Variants in PTPN2 observed in about 807,000 individuals in gnomAD.
PTPN2 encodes the protein tyrosine-protein phosphatase non-receptor type 2.
Under a neutral mutation model 57.3 loss-of-function variants are expected in PTPN2, and 19 were observed. That is an observed-to-expected ratio of 0.33 (90% CI 0.23 to 0.49). The LOEUF is 0.49. Among genes scored for constraint, PTPN2 ranks in the 20% least tolerant of loss-of-function variants. The pLI is 0.99. For missense variants in PTPN2, 358 were observed against 501.1 expected (o/e 0.71, Z 2.73); for synonymous variants, 153 against 164.9 (o/e 0.93, Z 0.55).
At chr18:12,813,956 A>C (rs912505699) in intron 7 of PTPN2, among the ~76,000 whole-genome samples, 1 of 152,198 alleles carries the variant, frequency 6.6e-6, no homozygotes, top group Non-Finnish European at 1.5e-5. Context: ...AAAATGAAAA[A>C]TTCAGTTTCT....
chr18:12,810,232 T>C (rs1425318832), intron 7 of PTPN2, among the ~76,000 whole-genome samples: 1 of 151,680 alleles, frequency 6.6e-6, no homozygotes, highest in African/African-American at 2.4e-5. Flanking sequence ...GGCATGGTGG[T>C]GCAAGCCTGT....
At position 12,817,344 on chromosome 18, in the gene PTPN2, A is replaced by ATTAT. The variant is rs756134682; in HGVS notation, c.516_517insATAA (p.Ser173IlefsTer16). On this transcript the variant is annotated frameshift_variant, in exon 6 of 9. Coordinates refer to ENST00000309660, the MANE Select transcript of PTPN2 (RefSeq NM_002828.4). LOFTEE classifies it high-confidence loss of function. ...GGCCAGGTAGTATAATGAAAGTGAG[A>ATTAT]TATTGTTCTGGTTTCACCACTCTAA... 1 of 1,613,670 alleles carries ATTAT rather than the reference A, an allele frequency of 6.2e-7. No individual in the cohort carries two copies. The highest frequency in any genetic ancestry group is 8.5e-7 in the Non-Finnish European group (1 of 1,179,614).
chr18:12,864,971 ACT>A (rs2043942261), intron 1 of PTPN2, among the ~76,000 whole-genome samples: 1 of 64,620 alleles, frequency 1.5e-5, no homozygotes, highest in South Asian at 7.0e-4. Context: ...AAATACAGGG[ACT>A]CTCAAAAGTC....
intron 3 of PTPN2, among the ~76,000 whole-genome samples, chr18:12,833,965 C>G (rs954851593): frequency 2.0e-5 from 3 of 152,156 alleles, no homozygotes; most frequent in African/African-American, 7.2e-5. Flanking sequence ...CAGACACAGG[C>G]TTCTGAGTTC....
exon 10 of PTPN2, chr18:12,785,670 CT>C (rs1298982694): frequency 1.4e-6 from 1 of 705,232 alleles, no homozygotes; most frequent in East Asian, 2.7e-5. Flanking sequence ...TCTTCATCCC[CT>C]GGATGTAAAG....
intron 2 of PTPN2, chr18:12,840,893 A>G (rs2043022527): frequency 2.6e-6 from 4 of 1,556,888 alleles, no homozygotes; most frequent in African/African-American, 1.3e-5. Flanking sequence ...AGTCCATGAC[A>G]TATCTTCTCT....
At chr18:12,873,192 G>A (rs1253498779) in intron 1 of PTPN2, among the ~76,000 whole-genome samples, 1 of 150,768 alleles carries the variant, frequency 6.6e-6, no homozygotes, top group African/African-American at 2.4e-5. Context: ...CTGCACTCCA[G>A]CCTGGTTGAC....
intron 2 of PTPN2, among the ~76,000 whole-genome samples, chr18:12,841,761 T>A (rs1252694509): frequency 1.3e-5 from 2 of 152,104 alleles, no homozygotes; most frequent in Non-Finnish European, 2.9e-5. Context: ...TCCCCAAGAG[T>A]CTGCAATGAA....
chr18:12,877,943 T>C (rs543938112), intron 1 of PTPN2, among the ~76,000 whole-genome samples: 1 of 152,090 alleles, frequency 6.6e-6, no homozygotes, highest in Non-Finnish European at 1.5e-5. Flanking sequence ...GGCAGGAGAA[T>C]GGCGTGAACC....
chr18:12,826,958 C>T (rs1476677311), intron 4 of PTPN2, among the ~76,000 whole-genome samples: 1 of 152,198 alleles, frequency 6.6e-6, no homozygotes, highest in Non-Finnish European at 1.5e-5. Context: ...ATTTATCATT[C>T]TTAAAGCATG....
chr18:12,840,541 G>T (rs571039739), intron 2 of PTPN2, among the ~76,000 whole-genome samples: 12 of 152,224 alleles, frequency 7.9e-5, no homozygotes, highest in African/African-American at 2.9e-4. Context: ...GACATGTCAG[G>T]TTTGTGTGAC....
intron 1 of PTPN2, among the ~76,000 whole-genome samples, chr18:12,870,414 T>C (rs572633595): frequency 0.03 from 2,080 of 68,702 alleles, 223 homozygotes; most frequent in Non-Finnish European, 0.043. Flanking sequence ...CGTATATATA[T>C]GTATATATAT....
Position 12,825,941 on chromosome 18 carries a change from TA to T in PTPN2, c.363del (p.Lys122AsnfsTer22). The T allele has an allele frequency of 6.3e-7, 1 of 1,589,798 alleles. No individual in the cohort carries two copies. The highest frequency in any genetic ancestry group is 1.2e-5 in the South Asian group (1 of 86,328). On this transcript the variant is annotated frameshift_variant and splice_region_variant, in exon 5 of 9. Coordinates refer to ENST00000309660, the MANE Select transcript of PTPN2 (RefSeq NM_002828.4). LOFTEE classifies it high-confidence loss of function. ...TCTGTTGGCCAGTACTGTGCACATTTAACCTAAATTTAGAAATATGTATATG... is the reference window on the plus strand; with the variant it reads ...TCTGTTGGCCAGTACTGTGCACATTTACCTAAATTTAGAAATATGTATATG... ...MLNRIVEKESVKCAQYWPTDD... is the reference protein window; with the variant it reads ...MLNRIVEKESXKCAQYWPTDD...
chr18:12,800,796 AGAG>A (rs2041390955), intron 8 of PTPN2, among the ~76,000 whole-genome samples: 2 of 152,190 alleles, frequency 1.3e-5, no homozygotes, highest in African/African-American at 4.8e-5. Context: ...GATGCAGGAG[AGAG>A]GAAAGAAAAA....
In PTPN2 at chr18:12,884,219, C is replaced by A; in HGVS notation, c.-78G>T. 21 of 1,191,374 alleles carry A rather than the reference C, an allele frequency of 1.8e-5. No homozygotes were observed. Among genetic ancestry groups the A allele is most frequent in the Non-Finnish European group, 2.2e-5 (20 of 892,716 alleles). The allele number at this position is 1,191,374 out of a possible 1,614,324, so 73.8% of individuals were successfully genotyped here. On this transcript the variant is annotated 5_prime_UTR_variant, in exon 1 of 9. Transcript: ENST00000309660. ...GGCCCCGCACGATCCGGGGAGAGCG[C>A]TGGCGCTGCGGCGCATGCGCGCTGC...
At chr18:12,807,972 C>T (rs1456855787) in intron 7 of PTPN2, among the ~76,000 whole-genome samples, 4 of 151,864 alleles carry the variant, frequency 2.6e-5, no homozygotes, top group Admixed American at 2.0e-4. Context: ...TCGCTTGAGC[C>T]CAGGAGTTTG....
downstream of PTPN2, among the ~76,000 whole-genome samples, chr18:12,788,684 T>G (rs1334779353): frequency 6.6e-6 from 1 of 152,044 alleles, no homozygotes; most frequent in Non-Finnish European, 1.5e-5. Flanking sequence ...CGGCGATGGC[T>G]TCATGCTGGG....
rs763765476 is a variant in PTPN2, at chr18:12,859,194, T to A, written c.130A>T (p.Asn44Tyr). The A allele has an allele frequency of 1.2e-6, 2 of 1,613,526 alleles. No homozygotes were observed. Among genetic ancestry groups the A allele is most frequent in the Non-Finnish European group, 1.7e-6 (2 of 1,179,534 alleles). ...CTTACATCTCTGTATCTGTTTCGAT[T>A]TCTGTTTTCTGGAAACTTGGCCACT... The part of the protein sequence containing the change: ...HRVAKFPENR[N>Y]RNRYRDVSPY... Residue 44 changes from asparagine (N) to tyrosine (Y), a missense_variant, in exon 2 of 9, where the codon AAT (asparagine) becomes TAT (tyrosine). By Grantham distance (143) the Asn-to-Tyr change is moderately radical (BLOSUM62 -2). Coordinates refer to ENST00000309660, the MANE Select transcript of PTPN2 (RefSeq NM_002828.4).
chr18:12,870,393 G>A lies in PTPN2; in HGVS notation c.70-11139C>T, dbSNP rs12958635. On this transcript the variant is annotated intron_variant, in intron 1 of 8. Transcript: ENST00000309660. Reference sequence around the variant, plus strand: ...TATATACATATATATACGTATATATGTATATATACACGTATATATATGTAT... The same window carrying A: ...TATATACATATATATACGTATATATATATATATACACGTATATATATGTAT... Among the ~76,000 whole-genome samples the A allele has an allele frequency of 7.2e-3, 271 of 37,830 alleles. 23 individuals carry two copies. The East Asian group carries it at 0.073, about 10-fold the overall frequency. 24.8% of individuals were successfully genotyped at this position (37,830 alleles called of 152,430 possible).
Sources: allele counts gnomAD v4.1 joint callset (sites outside exome capture counted in the v4.1 genomes callset), GRCh38; gene constraint gnomAD v4.1.1; transcripts MANE v1.5; gene names NCBI Gene and HGNC (gene_info 2026-07-23, HGNC 2026-07-21).